The following OPCML variants were observed in gnomAD, a reference collection of about 807,000 sequenced individuals.
The protein encoded by OPCML is opioid binding protein/cell adhesion molecule like, also known as opioid-binding protein/cell adhesion molecule.
OPCML carries 13 observed loss-of-function variants against 37.8 expected under a neutral mutation model. The ratio of observed to expected loss-of-function variants is 0.34; its 90% confidence interval spans 0.22 to 0.55. The LOEUF (loss-of-function observed/expected upper bound fraction) is 0.55. Ranked by LOEUF, OPCML falls within the 20% of genes least tolerant of loss-of-function variation. OPCML has a pLI of 0.91. For synonymous variants in OPCML, 176 were observed against 168.8 expected (o/e 1.04, Z -0.33); for missense variants, 341 against 435.6 (o/e 0.78, Z 1.93).
At chr11:132,591,154 C>A (rs984861044) in intron 3 of OPCML, among the ~76,000 whole-genome samples, 2 of 152,302 alleles carry the variant, frequency 1.3e-5, no homozygotes, top group South Asian at 2.1e-4. Context: ...GCTGTATAAT[C>A]TCCTGCATGT....
intron 3 of OPCML, among the ~76,000 whole-genome samples, chr11:132,646,333 A>C (rs1285376878): frequency 2.6e-5 from 4 of 152,246 alleles, no homozygotes; most frequent in Non-Finnish European, 5.9e-5. Context: ...AAAAAGAAAT[A>C]AAGAAGTAAG....
At chr11:133,300,763 A>G (rs1333447342) in intron 1 of OPCML, 1 of 152,240 alleles carries the variant, frequency 6.6e-6, no homozygotes. Flanking sequence ...CACCATCACA[A>G]GTGTTCCCTT....
intron 1 of OPCML, among the ~76,000 whole-genome samples, chr11:133,077,930 G>T (rs1379660366): frequency 6.6e-6 from 1 of 152,180 alleles, no homozygotes; most frequent in Non-Finnish European, 1.5e-5. Flanking sequence ...TGGAAAGCTG[G>T]ATAATGGCAA....
chr11:132,428,173 T>TA (rs2095984003), intron 7 of OPCML, among the ~76,000 whole-genome samples: 1 of 152,226 alleles, frequency 6.6e-6, no homozygotes, highest in Admixed American at 6.5e-5. Flanking sequence ...CCCTAAATTT[T>TA]AAATTAGATT....
chr11:133,516,254 G>A (rs1383770495), intron 1 of OPCML, among the ~76,000 whole-genome samples: 2 of 152,158 alleles, frequency 1.3e-5, no homozygotes, highest in Non-Finnish European at 2.9e-5. Context: ...CAGAGGAGAC[G>A]CATCTCCCAC....
At chr11:132,802,680 T>G (rs1938736711) in intron 2 of OPCML, among the ~76,000 whole-genome samples, 1 of 152,116 alleles carries the variant, frequency 6.6e-6, no homozygotes, top group Non-Finnish European at 1.5e-5. Context: ...GCATTAGATG[T>G]GATTTCAGTG....
At chr11:132,639,823 A>G (rs745324592) in intron 3 of OPCML, among the ~76,000 whole-genome samples, 9 of 152,138 alleles carry the variant, frequency 5.9e-5, no homozygotes, top group Admixed American at 6.5e-5. Context: ...CCTTCCTATA[A>G]ATAAGCAAGT....
intron 1 of OPCML, among the ~76,000 whole-genome samples, chr11:133,293,713 C>A (rs1942545725): frequency 6.6e-6 from 1 of 152,042 alleles, no homozygotes; most frequent in Non-Finnish European, 1.5e-5. Flanking sequence ...AGGATCAAGG[C>A]TGAGATACAT....
chr11:133,031,823 C>G (rs985853785), intron 1 of OPCML, among the ~76,000 whole-genome samples: 9 of 152,128 alleles, frequency 5.9e-5, no homozygotes, highest in African/African-American at 2.2e-4. Context: ...AACATTAGAA[C>G]CAAGCTTTCA....
In OPCML at chr11:133,293,673, T is replaced by G. The variant is rs190691849; in HGVS notation, c.61+238591A>C. Among the ~76,000 whole-genome samples, 93 of 152,252 alleles carry G rather than the reference T, an allele frequency of 6.1e-4. 1 individual carries two copies. The highest frequency in any genetic ancestry group is 5.2e-3 in the East Asian group (27 of 5,164). ...AGCATCTCAGTCAAGTCAGTGACAC[T>G]GTCTGGTTCCAATTTACCCCAAAGA... On this transcript the variant is annotated intron_variant, in intron 1 of 7. Coordinates refer to ENST00000524381, the MANE Select transcript of OPCML (RefSeq NM_001012393.5).
intron 1 of OPCML, among the ~76,000 whole-genome samples, chr11:132,981,890 C>T (rs1237884590): frequency 2.0e-5 from 3 of 152,174 alleles, no homozygotes; most frequent in Non-Finnish European, 4.4e-5. Flanking sequence ...CATATTTGAT[C>T]TCTACAATGA....
At chr11:133,126,077 ACAC>A (rs1949509752) in intron 1 of OPCML, among the ~76,000 whole-genome samples, 1 of 149,066 alleles carries the variant, frequency 6.7e-6, no homozygotes, top group African/African-American at 2.5e-5. Flanking sequence ...CCATACACAC[ACAC>A]ACACACACAC....
At chr11:132,971,629 C>G (rs1187661393) in intron 1 of OPCML, among the ~76,000 whole-genome samples, 1 of 152,186 alleles carries the variant, frequency 6.6e-6, no homozygotes, top group Non-Finnish European at 1.5e-5. Flanking sequence ...CCTTATGCAG[C>G]TGTACAGAGG....
chr11:132,848,912 C>A (rs772274956), intron 2 of OPCML, among the ~76,000 whole-genome samples: 1 of 152,144 alleles, frequency 6.6e-6, no homozygotes, highest in Non-Finnish European at 1.5e-5. Context: ...AAGTCCTCTA[C>A]GAAAGGCAGG....
chr11:133,376,784 A>G (rs1407025781), intron 1 of OPCML, among the ~76,000 whole-genome samples: 1 of 152,238 alleles, frequency 6.6e-6, no homozygotes, highest in Non-Finnish European at 1.5e-5. Flanking sequence ...TAAGCATGCA[A>G]TGAAACTAGC....
intron 1 of OPCML, among the ~76,000 whole-genome samples, chr11:133,165,781 A>G (rs1947041888): frequency 6.6e-6 from 1 of 152,108 alleles, no homozygotes; most frequent in Non-Finnish European, 1.5e-5. Flanking sequence ...CTATTCTTGA[A>G]GCTCACTTCA....
intron 1 of OPCML, among the ~76,000 whole-genome samples, chr11:133,193,773 G>A (rs1250769757): frequency 6.6e-6 from 1 of 152,172 alleles, no homozygotes; most frequent in African/African-American, 2.4e-5. Context: ...GGCATATCCT[G>A]TAAAAATCGA....
intron 2 of OPCML, among the ~76,000 whole-genome samples, chr11:132,781,563 G>T: frequency 6.7e-6 from 1 of 150,226 alleles, no homozygotes; most frequent in South Asian, 2.1e-4. Flanking sequence ...AATATATGTG[G>T]GGGTGTATAT....
intron 2 of OPCML, among the ~76,000 whole-genome samples, chr11:132,890,132 T>C (rs1261576915): frequency 1.3e-5 from 2 of 152,188 alleles, no homozygotes; most frequent in Non-Finnish European, 2.9e-5. Flanking sequence ...AACCTAAATT[T>C]TTCTTTAATG....
Sources: allele counts gnomAD v4.1 joint callset (sites outside exome capture counted in the v4.1 genomes callset), GRCh38; gene constraint gnomAD v4.1.1; transcripts MANE v1.5; gene names NCBI Gene and HGNC (gene_info 2026-07-23, HGNC 2026-07-21).